The following ADAM11 variants were observed in gnomAD, a reference collection of about 807,000 sequenced individuals.
ADAM11 encodes the protein ADAM metallopeptidase domain 11.
A neutral mutation model predicts 119.1 loss-of-function variants in ADAM11; 49 were observed. The observed-to-expected ratio is 0.41, with a 90% CI of 0.33 to 0.52. ADAM11 has a LOEUF of 0.52. ADAM11 is among the 20% of genes least tolerant of loss of function. The pLI is 0.20. For synonymous variants in ADAM11, 364 were observed against 408.0 expected, an observed-to-expected ratio of 0.89 and a Z score of 1.30; for missense variants, 777 against 1,047.5, an observed-to-expected ratio of 0.74 and a Z score of 3.56.
Position 44,769,784 on chromosome 17 carries a change from G to A in ADAM11, c.304G>A (p.Glu102Lys), listed in dbSNP as rs1308467373. 1.2e-6 allele frequency: 2 copies of A among 1,614,002 alleles called. No homozygotes were observed. The highest frequency in any genetic ancestry group is 1.1e-5 in the South Asian group (1 of 91,090). The change falls in exon 3 of 27, where the codon GAG (glutamate) becomes AAG (lysine). Residue 102 changes from glutamate to lysine, a missense_variant. This residue lies in a region of ADAM11 where 278 missense variants were observed against 310.1 expected (regional missense o/e 0.90). Coordinates refer to ENST00000200557, the MANE Select transcript of ADAM11 (RefSeq NM_002390.6). ...AFNSNFTLDL[E>K]LNHHLLSSQY... ...CAACTCAAACTTCACCCTGGACCTG[G>A]AGCTGAACCAGTGAGTGTGGCCTTG...
At position 44,781,340 on chromosome 17, in the gene ADAM11, CTG is replaced by C. The variant is rs1432903829; in HGVS notation, c.*1587_*1588del. The C allele has an allele frequency of 6.6e-6, 1 of 152,270 alleles. No homozygotes were observed. Among genetic ancestry groups the C allele is most frequent in the East Asian group, 1.9e-4 (1 of 5,192 alleles). 9.4% of individuals were successfully genotyped at this position (152,270 alleles called of 1,614,324 possible). ...ACCCGACAGCAGTGGGGTCCACACA[CTG>C]AGCTCCAGCTGGCACTGCCCACTCA... is the stretch of plus-strand genomic sequence containing the variant. On this transcript the variant is annotated 3_prime_UTR_variant, in exon 27 of 27. Transcript: ENST00000200557.
At chr17:44,759,295 C>T (rs1176896636) in intron 1 of ADAM11, 35 bp downstream of exon 1, 3 of 1,363,694 alleles carry the variant, frequency 2.2e-6, no homozygotes, top group Non-Finnish European at 9.4e-7. Flanking sequence ...GCGCCCCCTC[C>T]CTGCCCCCGC....
chr17:44,765,041 C>A (rs569632018), intron 2 of ADAM11, among the ~76,000 whole-genome samples: 32 of 152,284 alleles, frequency 2.1e-4, no homozygotes, highest in Admixed American at 5.2e-4. Context: ...TGTCCAGAGT[C>A]TGTCCCCAGA....
intron 2 of ADAM11, among the ~76,000 whole-genome samples, chr17:44,765,235 G>C (rs1386697178): frequency 1.8e-4 from 27 of 146,364 alleles, no homozygotes; most frequent in Non-Finnish European, 3.6e-4. Context: ...GGTGGGTGGG[G>C]GGTTTCTCCC....
intron 4 of ADAM11, 130 bp from the exon 5 acceptor site, chr17:44,771,454 G>T (rs1051583542): frequency 1.2e-5 from 11 of 931,512 alleles, no homozygotes; most frequent in Non-Finnish European, 1.8e-5. Context: ...AGGCTCCAGA[G>T]CCCCAGGCAT....
At chr17:44,774,870 C>T (rs2049577177) in intron 14 of ADAM11, 121 bp downstream of exon 14, 1 of 1,248,514 alleles carries the variant, frequency 8.0e-7, no homozygotes, top group Admixed American at 2.9e-5. Context: ...ACTCAGGATC[C>T]CAAGAAGCCC....
chr17:44,774,667 C>A (rs1356694371), intron 13 of ADAM11, 31 bp from the exon 14 acceptor site: 3 of 1,593,016 alleles, frequency 1.9e-6, no homozygotes, highest in East Asian at 2.2e-5. Context: ...GGTCCTTGGC[C>A]TCCCTCATAT....
chr17:44,762,792 AG>A (rs2049404798), intron 2 of ADAM11, among the ~76,000 whole-genome samples: 1 of 152,118 alleles, frequency 6.6e-6, no homozygotes, highest in Middle Eastern at 3.4e-3. Flanking sequence ...CTGGCTTGAC[AG>A]GGGCAAGGGT....
In ADAM11 at chr17:44,765,950, CG is replaced by C. The variant is rs2049445013; in HGVS notation, c.238-3763del. ...GTTTTACCGAGGGGAAAACTGAGGC[CG>C]GGGGCATGAAGCAGCTTATCTCAGG... On this transcript the variant is annotated intron_variant, in intron 2 of 26. Coordinates refer to ENST00000200557, the MANE Select transcript of ADAM11 (RefSeq NM_002390.6). Among the ~76,000 whole-genome samples the C allele has an allele frequency of 2.6e-5, 4 of 152,310 alleles. No homozygotes were observed. The South Asian group carries it at 8.3e-4, about 32-fold the overall frequency.
chr17:44,772,131 G>GT lies in ADAM11; in HGVS notation c.544-136_544-135insT. 3 of 889,744 alleles carry GT rather than the reference G, an allele frequency of 3.4e-6. No individual in the cohort carries two copies. Among genetic ancestry groups the GT allele is most frequent in the Non-Finnish European group, 5.2e-6 (3 of 581,528 alleles). The allele number at this position is 889,744 out of a possible 1,614,324, so 55.1% of individuals were successfully genotyped here. ...CGGAATCTGAGCATCTGGGAGATCA[G>GT]ATCCGACATGGGAGCTGTGGCCAGT... On this transcript the variant is annotated intron_variant, in intron 6 of 26. Coordinates refer to ENST00000200557, the MANE Select transcript of ADAM11 (RefSeq NM_002390.6). The surrounding 1 kb of genome is among the most constrained non-coding windows in gnomAD (Gnocchi z 4.5).
chr17:44,778,688 C>CAAAAAAAA (rs566515861), intron 25 of ADAM11, among the ~76,000 whole-genome samples: 3 of 52,386 alleles, frequency 5.7e-5, no homozygotes, highest in Non-Finnish European at 1.1e-4. Context: ...AAGACTGCGT[C>CAAAAAAAA]AAAAAAAAAA....
rs199564907 is a variant in ADAM11, at chr17:44,772,428, G to A, written c.640G>A (p.Ala214Thr). The A allele has an allele frequency of 3.2e-6, 5 of 1,577,708 alleles. No homozygotes were observed. The African/African-American group carries it at 5.4e-5, about 17-fold the overall frequency. ...GCLFAVPAQS[A>T]PPNRPRLRRK... is the part of the protein sequence containing the mutation. ...CCTGTTTGCTGTGCCTGCCCAGTCG[G>A]CTCCTCCAAACCGGCCGAGGCTGAG... is the stretch of plus-strand genomic sequence containing the variant. Residue 214 changes from alanine to threonine, a missense_variant, in exon 8 of 27, where the codon GCT becomes ACT. By Grantham distance (58) the Ala-to-Thr change is moderately conservative. Coordinates refer to ENST00000200557, the MANE Select transcript of ADAM11 (RefSeq NM_002390.6). This position sits in a 1 kb window ranked among gnomAD's most constrained non-coding sequence, Gnocchi z 4.5.
chr17:44,777,078 G>C lies in ADAM11; in HGVS notation c.1682-88G>C. The C allele has an allele frequency of 6.5e-7, 1 of 1,540,548 alleles. No individual in the cohort carries two copies. On this transcript the variant is annotated intron_variant, in intron 20 of 26. Transcript: ENST00000200557. The surrounding 1 kb of genome is among the most constrained non-coding windows in gnomAD (Gnocchi z 5.1). ...GTGTGTAGCTCCCCAGGATCTCAGG[G>C]ACCCAGGCAGAGTGTGGGAGATGCA...
intron 2 of ADAM11, among the ~76,000 whole-genome samples, chr17:44,765,597 T>C (rs1409212295): frequency 7.0e-6 from 1 of 143,270 alleles, no homozygotes; most frequent in Non-Finnish European, 1.5e-5. Flanking sequence ...TCCTGGTTTT[T>C]CTTTTCTTTT....
chr17:44,775,105 C>G lies in ADAM11; in HGVS notation c.1221-107C>G. 3 of 975,254 alleles carry G rather than the reference C, an allele frequency of 3.1e-6. No homozygotes were observed. The highest frequency in any genetic ancestry group is 4.8e-6 in the Non-Finnish European group (3 of 629,974). The allele number at this position is 975,254 out of a possible 1,614,324, so 60.4% of individuals were successfully genotyped here. On this transcript the variant is annotated intron_variant, in intron 14 of 26. Coordinates refer to ENST00000200557, the MANE Select transcript of ADAM11 (RefSeq NM_002390.6). The surrounding 1 kb of genome is among the most constrained non-coding windows in gnomAD (Gnocchi z 7.5). ...AATCCCGGGGCAGATCCTCCGCCTC[C>G]TCGCGATGGTGACGAAGTCCCCCAG...
rs746662529 is a variant in ADAM11 at position 44,777,940 on chromosome 17, C to T, written c.2071-12C>T. 15 of 1,613,744 alleles carry T rather than the reference C, an allele frequency of 9.3e-6. No individual in the cohort carries two copies. Among genetic ancestry groups the T allele is most frequent in the South Asian group, 1.1e-5 (1 of 91,032 alleles). On this transcript the variant is annotated splice_polypyrimidine_tract_variant and intron_variant, in intron 23 of 26. Transcript: ENST00000200557. This position sits in a 1 kb window ranked among gnomAD's most constrained non-coding sequence, Gnocchi z 5.1. ...CCCCTGCTCACCTCTCCTGGCCCTG[C>T]CCTGCCTCTAGGTCTGCAGCAATGA...
chr17:44,766,270 G>A (rs1387480521), intron 2 of ADAM11, among the ~76,000 whole-genome samples: 2 of 152,178 alleles, frequency 1.3e-5, no homozygotes, highest in Non-Finnish European at 2.9e-5. Flanking sequence ...GGGAGCAATG[G>A]TCTCCCTTCT....
In ADAM11 at chr17:44,759,274, G is replaced by T; in HGVS notation, c.61+14G>T. 7.2e-7 allele frequency: 1 copy of T among 1,380,100 alleles called. No individual in the cohort carries two copies. Among genetic ancestry groups the T allele is most frequent in the Non-Finnish European group, 9.4e-7 (1 of 1,069,192 alleles). The allele number at this position is 1,380,100 out of a possible 1,614,324, so 85.5% of individuals were successfully genotyped here. ...TCCCCACGCCCGGTGAGTGACCCCC[G>T]CCCGGCCCCGGCGCCCCCTCCCTGC... On this transcript the variant is annotated intron_variant, in intron 1 of 26. Coordinates refer to ENST00000200557, the MANE Select transcript of ADAM11 (RefSeq NM_002390.6).
chr17:44,776,057 C>A lies in ADAM11; in HGVS notation c.1486-70C>A. The A allele has an allele frequency of 1.3e-6, 2 of 1,562,046 alleles. No individual in the cohort carries two copies. The highest frequency in any genetic ancestry group is 1.8e-6 in the Non-Finnish European group (2 of 1,138,958). ...CCCGGGGATGTGGGGGTCCAGAGAG[C>A]GAGGGGCCTGGGGAGGGCAGGGCCG... On this transcript the variant is annotated intron_variant, in intron 17 of 26. Transcript: ENST00000200557. The surrounding 1 kb of genome is among the most constrained non-coding windows in gnomAD (Gnocchi z 5.2).
Sources: allele counts gnomAD v4.1 joint callset (sites outside exome capture counted in the v4.1 genomes callset), GRCh38; gene constraint gnomAD v4.1.1; regional missense constraint gnomAD v4.1.1; non-coding constraint Gnocchi (gnomAD v3.1); transcripts MANE v1.5; gene names NCBI Gene and HGNC (gene_info 2026-07-23, HGNC 2026-07-21).